FAM184A: variants seen among roughly 807,000 people sequenced by gnomAD.
FAM184A encodes family with sequence similarity 184 member A, also known as protein FAM184A.
FAM184A carries 99 observed loss-of-function variants against 143.8 expected under a neutral mutation model. The observed-to-expected ratio is 0.69, with a 90% CI of 0.58 to 0.81. The LOEUF (loss-of-function observed/expected upper bound fraction) is 0.81. FAM184A is among the 40% of genes least tolerant of loss of function. FAM184A has a pLI of 0.00. For missense variants in FAM184A, 1,217 were observed against 1,310.5 expected (o/e 0.93, Z 1.10); for synonymous variants, 427 against 446.4 (o/e 0.96, Z 0.55).
intron 1 of FAM184A, among the ~76,000 whole-genome samples, chr6:119,092,531 G>A (rs898528777): frequency 6.6e-6 from 1 of 152,026 alleles, no homozygotes; most frequent in African/African-American, 2.4e-5. Context: ...ATCAAATCAG[G>A]GTAATTACCA....
chr6:119,122,718 T>TC (rs962327640), intron 1 of FAM184A, among the ~76,000 whole-genome samples: 10 of 151,586 alleles, frequency 6.6e-5, no homozygotes, highest in Admixed American at 2.0e-4. Context: ...GTTCAGGAGT[T>TC]CAACACCGAC....
intron 1 of FAM184A, among the ~76,000 whole-genome samples, chr6:119,046,373 C>T (rs1022262360): frequency 5.9e-5 from 9 of 151,810 alleles, no homozygotes; most frequent in Non-Finnish European, 8.8e-5. Flanking sequence ...TACAGACAAG[C>T]GCAACCACAC....
chr6:119,118,599 A>G (rs1439636132), intron 1 of FAM184A, among the ~76,000 whole-genome samples: 2 of 152,210 alleles, frequency 1.3e-5, no homozygotes, highest in Non-Finnish European at 2.9e-5. Flanking sequence ...CAATCTCTGA[A>G]CATAAATTGT....
chr6:119,132,339 T>C (rs1789555887), intron 1 of FAM184A, among the ~76,000 whole-genome samples: 1 of 152,216 alleles, frequency 6.6e-6, no homozygotes, highest in Admixed American at 6.5e-5. Context: ...GCAAATGCAA[T>C]GTAATTTGCA....
intron 1 of FAM184A, among the ~76,000 whole-genome samples, chr6:119,056,352 C>T (rs1786974782): frequency 1.3e-5 from 2 of 152,160 alleles, no homozygotes; most frequent in South Asian, 2.1e-4. Context: ...ATTTTGGACA[C>T]GTAGTACTGA....
chr6:119,034,039 T>TAG (rs1429011983), intron 1 of FAM184A, among the ~76,000 whole-genome samples: 61 of 30,270 alleles, frequency 2.0e-3, no homozygotes, highest in African/African-American at 3.5e-3. Context: ...TATATATATA[T>TAG]ATAGAGAGAG....
chr6:119,116,512 C>T (rs1789067418), intron 1 of FAM184A, among the ~76,000 whole-genome samples: 1 of 152,150 alleles, frequency 6.6e-6, no homozygotes, highest in Non-Finnish European at 1.5e-5. Flanking sequence ...TAAGTTGAAA[C>T]CTGTTTTTAA....
chr6:118,993,514 T>G (rs1210645329), intron 9 of FAM184A, among the ~76,000 whole-genome samples: 1 of 120,008 alleles, frequency 8.3e-6, no homozygotes, highest in Non-Finnish European at 2.0e-5. Flanking sequence ...AATTGTAAGC[T>G]TTTAGAGGAC....
chr6:118,972,760 AC>A (rs1450114151), intron 14 of FAM184A, among the ~76,000 whole-genome samples: 1 of 152,150 alleles, frequency 6.6e-6, no homozygotes, highest in African/African-American at 2.4e-5. Flanking sequence ...AGACAGACTG[AC>A]GTTATTCTTT....
At chr6:119,061,243 T>A (rs1156273529) in intron 1 of FAM184A, among the ~76,000 whole-genome samples, 1 of 152,156 alleles carries the variant, frequency 6.6e-6, no homozygotes, top group East Asian at 1.9e-4. Context: ...AGAAGAAAGA[T>A]TACCATCTTT....
chr6:119,123,097 C>T (rs747973110), intron 1 of FAM184A, among the ~76,000 whole-genome samples: 5 of 151,832 alleles, frequency 3.3e-5, no homozygotes, highest in Non-Finnish European at 5.9e-5. Flanking sequence ...TCAGGCAAAA[C>T]AGTAGGGGCA....
At chr6:119,125,994 A>G (rs1210773761) in intron 1 of FAM184A, among the ~76,000 whole-genome samples, 3 of 152,218 alleles carry the variant, frequency 2.0e-5, no homozygotes, top group South Asian at 2.1e-4. Flanking sequence ...ACAGTTCTAC[A>G]GGTTAGAAGT....
rs1783682253 is a variant in FAM184A at position 118,971,075 on chromosome 6, TATC to T, written c.2915+3350_2915+3352del. 2.0e-5 allele frequency among the ~76,000 whole-genome samples: 3 copies of T among 152,346 alleles called. 1 individual carries two copies. Among genetic ancestry groups the T allele is most frequent in the Admixed American group, 1.3e-4 (2 of 15,302 alleles). On this transcript the variant is annotated intron_variant, in intron 14 of 17. Coordinates refer to ENST00000338891, the MANE Select transcript of FAM184A (RefSeq NM_024581.6). Reference sequence around the variant, plus strand: ...TTTTATAAAGATGAAAAAACTCCTATATCATCATTTTCTAAACTCTTAAATAAA... The same window carrying T: ...TTTTATAAAGATGAAAAAACTCCTATATCATTTTCTAAACTCTTAAATAAA...
chr6:119,124,725 A>G lies in FAM184A; in HGVS notation c.-202+24353T>C, dbSNP rs913497218. 4.0e-5 allele frequency among the ~76,000 whole-genome samples: 6 copies of G among 149,758 alleles called. No individual in the cohort carries two copies. The Admixed American group carries it at 4.0e-4, about 10-fold the overall frequency. ...GACATTAAGTCATGAACAAACACCC[A>G]ATTAGAAGATCAAATAAACTATGGC... On this transcript the variant is annotated intron_variant, in intron 1 of 16. Coordinates refer to the FAM184A transcript ENST00000352896.
In FAM184A at chr6:119,026,267, C is replaced by G. The variant is rs1785631951; in HGVS notation, c.160-1454G>C. ...TATTCACATTCTGTTTTTAAAAAAC[C>G]CTAATTTCAAATTCCAAATTATGTT... On this transcript the variant is annotated intron_variant, in intron 1 of 17. Transcript: ENST00000338891. 2.6e-5 allele frequency among the ~76,000 whole-genome samples: 4 copies of G among 152,106 alleles called. 1 individual carries two copies. In the East Asian group the frequency reaches 7.7e-4, roughly 29 times the overall value.
chr6:119,063,151 T>C (rs1582573290), intron 1 of FAM184A, among the ~76,000 whole-genome samples: 3 of 152,352 alleles, frequency 2.0e-5, no homozygotes, highest in Admixed American at 6.5e-5. Flanking sequence ...ATGCTATTCA[T>C]TATTTTTCAG....
chr6:119,144,490 C>T (rs1209272071), intron 1 of FAM184A, among the ~76,000 whole-genome samples: 1 of 152,230 alleles, frequency 6.6e-6, no homozygotes, highest in Non-Finnish European at 1.5e-5. Context: ...CGCCGGCACA[C>T]ACTCTGCCAC....
chr6:119,042,240 A>T (rs1347439772), intron 1 of FAM184A, among the ~76,000 whole-genome samples: 1 of 152,148 alleles, frequency 6.6e-6, no homozygotes, highest in Non-Finnish European at 1.5e-5. Flanking sequence ...ATCCAGGATA[A>T]TGGGAAGAAA....
At chr6:119,046,256 C>G (rs560815546) in intron 1 of FAM184A, among the ~76,000 whole-genome samples, 1 of 147,642 alleles carries the variant, frequency 6.8e-6, no homozygotes, top group Non-Finnish European at 1.5e-5. Context: ...CAGAGTCTAG[C>G]TTTGTTGCCC....
Sources: allele counts gnomAD v4.1 joint callset (sites outside exome capture counted in the v4.1 genomes callset), GRCh38; gene constraint gnomAD v4.1.1; transcripts MANE v1.5; gene names NCBI Gene and HGNC (gene_info 2026-07-23, HGNC 2026-07-21).